The following HDAC11 variants were observed in gnomAD, a reference collection of about 807,000 sequenced individuals.
HDAC11 encodes the protein histone deacetylase 11.
In HDAC11, 23 loss-of-function variants were observed where a neutral mutation model predicts 41.1. That is an observed-to-expected ratio of 0.56 (90% CI 0.40 to 0.79). The LOEUF (loss-of-function observed/expected upper bound fraction) is 0.79, where lower values mean the gene tolerates loss of function less well. Among genes scored for constraint, HDAC11 ranks in the 30% least tolerant of loss-of-function variants. HDAC11 has a pLI of 0.00. For missense variants in HDAC11, 402 were observed against 477.3 expected (o/e 0.84, Z 1.47); for synonymous variants, 187 against 186.6 (o/e 1.00, Z -0.02).
chr3:13,486,571 G>GTTTTTTTTTTTTTTT (rs767002835), intron 3 of HDAC11, among the ~76,000 whole-genome samples: 28 of 83,066 alleles, frequency 3.4e-4, no homozygotes, highest in African/African-American at 1.2e-3. Flanking sequence ...ATGTAGAGGT[G>GTTTTTTTTTTTTTTT]TTTTTTTTTT....
intron 8 of HDAC11, 49 bp downstream of exon 8, chr3:13,503,029 G>A: frequency 2.8e-6 from 4 of 1,405,800 alleles, no homozygotes; most frequent in Non-Finnish European, 3.0e-6. Flanking sequence ...TGTGGATGAG[G>A]CTCTCTCCTG....
At chr3:13,486,569 G>GTTT (rs1491394408) in intron 3 of HDAC11, among the ~76,000 whole-genome samples, 1 of 123,484 alleles carries the variant, frequency 8.1e-6, no homozygotes, top group African/African-American at 3.7e-5. Flanking sequence ...TCATGTAGAG[G>GTTT]TGTTTTTTTT....
At chr3:13,495,592 G>T (rs930497062) in intron 3 of HDAC11, among the ~76,000 whole-genome samples, 2 of 152,084 alleles carry the variant, frequency 1.3e-5, no homozygotes, top group African/African-American at 4.8e-5. Context: ...TCCCCTAATT[G>T]GTTCTCCTTG....
chr3:13,500,605 C>T (rs2125010656), intron 5 of HDAC11, 108 bp from the exon 6 acceptor site: 1 of 904,662 alleles, frequency 1.1e-6, no homozygotes, highest in Non-Finnish European at 1.7e-6. Context: ...GCACAGGTTC[C>T]TGAGAGCTGA....
Position 13,502,748 on chromosome 3 carries a change from C to CA in HDAC11, c.553-135dup, listed in dbSNP as rs1201866640. ...AATCCCAGCTCTGCCCCTTAACAGT[C>CA]ATGAGACCTGCTGCCCCCGAGAGCA... On this transcript the variant is annotated intron_variant, in intron 7 of 9. Coordinates refer to ENST00000295757, the MANE Select transcript of HDAC11 (RefSeq NM_024827.4). This position sits in a 1 kb window ranked among gnomAD's most constrained non-coding sequence, Gnocchi z 4.1. 3 of 665,288 alleles carry CA rather than the reference C, an allele frequency of 4.5e-6. No homozygotes were observed. The highest frequency in any genetic ancestry group is 8.1e-6 in the Non-Finnish European group (3 of 371,754). 41.2% of individuals were successfully genotyped at this position (665,288 alleles called of 1,614,324 possible).
intron 2 of HDAC11, 58 bp downstream of exon 2, chr3:13,481,452 G>A (rs1248565441): frequency 2.5e-6 from 4 of 1,583,758 alleles, no homozygotes; most frequent in Non-Finnish European, 3.5e-6. Context: ...TGTCCTCTCC[G>A]TCCTCATCCC....
chr3:13,492,690 C>T (rs989693073), intron 3 of HDAC11, among the ~76,000 whole-genome samples: 1 of 152,150 alleles, frequency 6.6e-6, no homozygotes, highest in Non-Finnish European at 1.5e-5. Flanking sequence ...ATTACAGGCA[C>T]CTGCCACCAT....
chr3:13,489,848 A>G (rs978912004), intron 3 of HDAC11, among the ~76,000 whole-genome samples: 1 of 152,120 alleles, frequency 6.6e-6, no homozygotes, highest in Admixed American at 6.5e-5. Context: ...GATTACAGGC[A>G]TGTGTGAGCC....
At chr3:13,491,041 G>A (rs559482513) in intron 3 of HDAC11, among the ~76,000 whole-genome samples, 40 of 151,308 alleles carry the variant, frequency 2.6e-4, no homozygotes, top group African/African-American at 9.0e-4. Context: ...GAGCCACTGC[G>A]CCTGGCCTGT....
chr3:13,493,596 A>G (rs1415419144), intron 3 of HDAC11, among the ~76,000 whole-genome samples: 1 of 152,262 alleles, frequency 6.6e-6, no homozygotes, highest in African/African-American at 2.4e-5. Context: ...GCTGGCAGCC[A>G]CTGGATTGGA....
chr3:13,501,427 G>C (rs1051601982), intron 6 of HDAC11, among the ~76,000 whole-genome samples: 3 of 152,148 alleles, frequency 2.0e-5, no homozygotes, highest in African/African-American at 7.2e-5. Context: ...GGAAGCACAG[G>C]AGACCTTCCT....
intron 6 of HDAC11, among the ~76,000 whole-genome samples, chr3:13,501,184 A>G (rs1182412945): frequency 6.6e-6 from 1 of 152,240 alleles, no homozygotes; most frequent in Admixed American, 6.5e-5. Flanking sequence ...GCTGTGCTCC[A>G]GGACTTACTC....
chr3:13,504,337 TG>T, intron 9 of HDAC11, 65 bp downstream of exon 9: 2 of 1,595,518 alleles, frequency 1.3e-6, no homozygotes, highest in East Asian at 4.5e-5. Context: ...GCAGGAAAGG[TG>T]GGCGGCCTCA....
At position 13,496,866 on chromosome 3, in the gene HDAC11, G is replaced by T. The variant is rs763980869; in HGVS notation, c.369+14G>T. ...GGAACCATAATGGTAGGTGGGGTGGGGGGGCATGGCTGGGCTGGGGGCCCC... is the reference window on the plus strand; with the variant it reads ...GGAACCATAATGGTAGGTGGGGTGGTGGGGCATGGCTGGGCTGGGGGCCCC... On this transcript the variant is annotated intron_variant, in intron 4 of 9. Transcript: ENST00000295757. The T allele has an allele frequency of 3.4e-6, 5 of 1,467,286 alleles. 1 individual carries two copies. The African/African-American group carries it at 7.1e-5, about 21-fold the overall frequency. The allele number at this position is 1,467,286 out of a possible 1,614,324, so 90.9% of individuals were successfully genotyped here. A position where few individuals can be genotyped will look rare whatever the true frequency, so the allele number is the denominator to read the frequency against.
chr3:13,503,068 A>AC, intron 8 of HDAC11, 88 bp downstream of exon 8: 2 of 944,894 alleles, frequency 2.1e-6, no homozygotes, highest in Non-Finnish European at 3.4e-6. Context: ...GGCCCTGCAG[A>AC]AGCCACTGCA....
intron 2 of HDAC11, among the ~76,000 whole-genome samples, chr3:13,482,307 C>T (rs941479711): frequency 1.3e-5 from 2 of 152,212 alleles, no homozygotes; most frequent in African/African-American, 4.8e-5. Flanking sequence ...GGCAGTTTCA[C>T]TTGCCATAAA....
chr3:13,504,286 C>T lies in HDAC11; in HGVS notation c.828+14C>T. On this transcript the variant is annotated intron_variant, in intron 9 of 9. Transcript: ENST00000295757. ...ATCAGCCCAGCGGTACGTCCTGACC[C>T]TTGGGGCCACGGGAGGGTCTGCTCT... 1 of 1,611,998 alleles carries T rather than the reference C, an allele frequency of 6.2e-7. No individual in the cohort carries two copies. The highest frequency in any genetic ancestry group is 8.5e-7 in the Non-Finnish European group (1 of 1,179,280).
chr3:13,504,667 C>A lies in HDAC11; in HGVS notation c.1028C>A (p.Pro343His), dbSNP rs148470263. 5.7e-4 allele frequency: 912 copies of A among 1,613,756 alleles called. 8 individuals are homozygous for A. The Middle Eastern group carries it at 9.1e-3, about 16-fold the overall frequency. Residue 343 changes from proline to histidine, a missense_variant, in exon 10 of 10, where the codon CCC (proline) becomes CAC (histidine). Transcript: ENST00000295757. ...CAGAACTCAGACACACCGCTGCTTC[C>A]CCCTGCAGTGCCCTGACCCTTGCTG... ...SAQNSDTPLL[P>H]PAVP
rs1226042313 is a variant in HDAC11 at position 13,496,823 on chromosome 3, C to A, written c.340C>A (p.Leu114Ile). Residue 114 changes from leucine to isoleucine, a missense_variant, in exon 4 of 10, where the codon CTT becomes ATT. Leu to Ile is a conservative substitution (Grantham distance 5). Coordinates refer to ENST00000295757, the MANE Select transcript of HDAC11 (RefSeq NM_024827.4). ...TGTGCAGAGGAAGGTGCTGAGGCCC[C>A]TTCGGACCCAGACAGGAGGAACCAT... is the stretch of plus-strand genomic sequence containing the variant. ...FLVQRKVLRP[L>I]RTQTGGTIMA... The A allele has an allele frequency of 6.4e-7, 1 of 1,566,772 alleles. No individual in the cohort carries two copies. Among genetic ancestry groups the A allele is most frequent in the Non-Finnish European group, 8.7e-7 (1 of 1,149,836 alleles).
Sources: gnomAD v4.1 joint callset for allele counts (sites outside exome capture counted in the v4.1 genomes callset) on GRCh38, gnomAD v4.1.1 for gene constraint, Gnocchi (gnomAD v3.1) non-coding constraint, MANE v1.5 for transcripts, NCBI Gene and HGNC (gene_info 2026-07-23, HGNC 2026-07-21) for gene names.